EPB41: variants seen among roughly 807,000 people sequenced by gnomAD.
EPB41 encodes protein 4.1.
EPB41 carries 65 observed loss-of-function variants against 108.0 expected under a neutral mutation model. The observed-to-expected ratio is 0.60, with a 90% CI of 0.49 to 0.74. The LOEUF (loss-of-function observed/expected upper bound fraction) is 0.74, where lower values mean the gene tolerates loss of function less well. Among genes scored for constraint, EPB41 ranks in the 30% least tolerant of loss-of-function variants. EPB41 has a pLI of 0.00. For missense variants in EPB41, 875 were observed against 1,037.0 expected (o/e 0.84, Z 2.15); for synonymous variants, 336 against 358.9 (o/e 0.94, Z 0.72).
intron 7 of EPB41, among the ~76,000 whole-genome samples, chr1:29,022,841 A>G (rs2096664099): frequency 6.6e-6 from 1 of 152,138 alleles, no homozygotes; most frequent in African/African-American, 2.4e-5. Context: ...GATTGAATGC[A>G]GAAGCAGTTG....
At chr1:29,085,944 C>G (rs529177667) in intron 16 of EPB41, among the ~76,000 whole-genome samples, 1 of 152,172 alleles carries the variant, frequency 6.6e-6, no homozygotes, top group Non-Finnish European at 1.5e-5. Flanking sequence ...ATACCAGTTA[C>G]TAGCTTATAA....
At chr1:29,054,808 G>A (rs113043841) in intron 12 of EPB41, among the ~76,000 whole-genome samples, 83 of 152,046 alleles carry the variant, frequency 5.5e-4, no homozygotes, top group African/African-American at 1.9e-3. Context: ...CACCGAGATC[G>A]CCCACTGCAC....
chr1:29,027,069 G>A (rs1473798884), intron 7 of EPB41, among the ~76,000 whole-genome samples: 1 of 150,194 alleles, frequency 6.7e-6, no homozygotes, highest in African/African-American at 2.5e-5. Flanking sequence ...TCCAGCCTGG[G>A]CAACGGAGTG....
intron 1 of EPB41, among the ~76,000 whole-genome samples, chr1:28,908,359 G>A (rs1239052780): frequency 6.7e-6 from 1 of 149,942 alleles, no homozygotes; most frequent in East Asian, 2.0e-4. Flanking sequence ...CCGAGATTGT[G>A]CCACTGCACT....
chr1:28,964,486 A>C (rs1017253999), intron 1 of EPB41, among the ~76,000 whole-genome samples: 4 of 152,006 alleles, frequency 2.6e-5, no homozygotes, highest in African/African-American at 9.7e-5. Context: ...TTGTAGTTCC[A>C]GCTACTTGGG....
At chr1:29,027,347 T>A (rs1395666973) in intron 7 of EPB41, among the ~76,000 whole-genome samples, 1 of 151,836 alleles carries the variant, frequency 6.6e-6, no homozygotes, top group South Asian at 2.1e-4. Context: ...TTTTTTTTTT[T>A]TTTGAGATGG....
At chr1:28,938,855 G>GT (rs1408413718) in intron 1 of EPB41, among the ~76,000 whole-genome samples, 1 of 152,152 alleles carries the variant, frequency 6.6e-6, no homozygotes, top group Non-Finnish European at 1.5e-5. Flanking sequence ...TAACTTGCTT[G>GT]TTAGAACTAG....
At chr1:29,088,192 G>A (rs1250580676) in intron 16 of EPB41, among the ~76,000 whole-genome samples, 6 of 151,696 alleles carry the variant, frequency 4.0e-5, no homozygotes, top group South Asian at 2.1e-4. Context: ...GATTACAGGC[G>A]TGCGCTACCA....
At chr1:28,967,827 T>C (rs1346323740) in intron 1 of EPB41, among the ~76,000 whole-genome samples, 1 of 149,530 alleles carries the variant, frequency 6.7e-6, no homozygotes, top group Non-Finnish European at 1.5e-5. Context: ...TTTTTTTTTT[T>C]TGAGTCTTCC....
chr1:29,070,776 A>G, intron 16 of EPB41: 1 of 1,106,522 alleles, frequency 9.0e-7, no homozygotes, highest in Non-Finnish European at 1.1e-6. Flanking sequence ...TTTGTAGAGT[A>G]TGTATTGTGG....
At chr1:29,030,518 C>A in intron 8 of EPB41, 31 bp downstream of exon 8, 1 of 1,459,870 alleles carries the variant, frequency 6.8e-7, no homozygotes, top group Non-Finnish European at 9.6e-7. Flanking sequence ...TATTAATATG[C>A]ATGTGGAAGA....
intron 5 of EPB41, among the ~76,000 whole-genome samples, chr1:29,013,283 C>T (rs1412315637): frequency 6.6e-6 from 1 of 151,254 alleles, no homozygotes; most frequent in Non-Finnish European, 1.5e-5. Context: ...CGAGATCGCG[C>T]CACTGCACTC....
rs74065214 is a variant in EPB41, at chr1:29,043,722, A to G, written c.1636+4296A>G. Among the ~76,000 whole-genome samples, 299 of 152,316 alleles carry G rather than the reference A, an allele frequency of 2.0e-3. 1 individual carries two copies. Among genetic ancestry groups the G allele is most frequent in the African/African-American group, 6.5e-3 (272 of 41,568 alleles). On this transcript the variant is annotated intron_variant, in intron 11 of 20. Transcript: ENST00000343067. ...ATTTCATTTGCACTGGGAAGCTATT[A>G]GAGGGAGTGATGCAATCTGAATCCC...
intron 16 of EPB41, among the ~76,000 whole-genome samples, chr1:29,083,140 A>G (rs1477923023): frequency 2.6e-5 from 4 of 152,144 alleles, no homozygotes; most frequent in Non-Finnish European, 5.9e-5. Flanking sequence ...CACTATAAGG[A>G]TATATTTCTA....
At chr1:28,928,104 A>G (rs1428570169) in intron 1 of EPB41, among the ~76,000 whole-genome samples, 1 of 152,052 alleles carries the variant, frequency 6.6e-6, no homozygotes, top group Non-Finnish European at 1.5e-5. Flanking sequence ...GAAAAAGGGA[A>G]ATAAGTACAG....
rs1246919483 is a variant in EPB41, at chr1:29,018,266, A to G, written c.948A>G (p.Gly316=). ...AGCTTCGGCAGGACATAGTTGCAGGACGTCTGCCCTGTTCCTTTGCAACCT... is the reference window on the plus strand; with the variant it reads ...AGCTTCGGCAGGACATAGTTGCAGGGCGTCTGCCCTGTTCCTTTGCAACCT... ...CLQLRQDIVA[G]RLPCSFATLA... The change falls in exon 7 of 21, where the codon GGA becomes GGG. Residue 316 remains glycine (G), a synonymous_variant. Transcript: ENST00000343067. The surrounding 1 kb of genome is among the most constrained non-coding windows in gnomAD (Gnocchi z 4.4). 1 of 1,614,088 alleles carries G rather than the reference A, an allele frequency of 6.2e-7. No homozygotes were observed. The highest frequency in any genetic ancestry group is 1.7e-5 in the Admixed American group (1 of 59,998).
intron 9 of EPB41, 110 bp from the exon 10 acceptor site, chr1:29,035,716 T>TAACAATGGCCACAGAA (rs1639191813): frequency 1.2e-6 from 1 of 801,470 alleles, no homozygotes; most frequent in Non-Finnish European, 2.1e-6. Flanking sequence ...CTTAAATTGG[T>TAACAATGGCCACAGAA]AACAATGGCC....
chr1:28,945,079 G>A (rs1161405094), intron 1 of EPB41, among the ~76,000 whole-genome samples: 2 of 146,794 alleles, frequency 1.4e-5, no homozygotes, highest in Admixed American at 1.4e-4. Context: ...GAGTGAGATC[G>A]TGTCTCAAAA....
intron 16 of EPB41, 139 bp from the exon 17 acceptor site, chr1:29,097,668 A>C: frequency 1.0e-6 from 1 of 999,678 alleles, no homozygotes; most frequent in East Asian, 2.5e-5. Flanking sequence ...TCGAAGTCTT[A>C]GGCAGGGTAA....
Sources: allele counts gnomAD v4.1 joint callset (sites outside exome capture counted in the v4.1 genomes callset), GRCh38; gene constraint gnomAD v4.1.1; non-coding constraint Gnocchi (gnomAD v3.1); transcripts MANE v1.5; gene names NCBI Gene and HGNC (gene_info 2026-07-23, HGNC 2026-07-21).